Variants in SORCS3 observed in about 807,000 individuals in gnomAD.
SORCS3 encodes the protein VPS10 domain-containing receptor SorCS3.
In SORCS3, 57 loss-of-function variants were observed where a neutral mutation model predicts 146.3. The observed-to-expected ratio is 0.39, with a 90% CI of 0.31 to 0.49. The LOEUF (loss-of-function observed/expected upper bound fraction) is 0.49. SORCS3 is among the 20% of genes least tolerant of loss of function. SORCS3 has a pLI of 0.92. For missense variants in SORCS3, 1,341 were observed against 1,575.5 expected (o/e 0.85, Z 2.52); for synonymous variants, 653 against 618.5 (o/e 1.06, Z -0.83).
chr10:105,083,936 A>G (rs1454248534), intron 5 of SORCS3, among the ~76,000 whole-genome samples: 1 of 152,230 alleles, frequency 6.6e-6, no homozygotes, highest in East Asian at 1.9e-4. Context: ...TCTTTTCGCC[A>G]GCTAGGAGAG....
At chr10:104,715,806 A>G (rs149323341) in intron 1 of SORCS3, among the ~76,000 whole-genome samples, 185 of 152,326 alleles carry the variant, frequency 1.2e-3, no homozygotes, top group African/African-American at 4.2e-3. Flanking sequence ...GGATTATTGC[A>G]GTAGCCTTAG....
intron 1 of SORCS3, among the ~76,000 whole-genome samples, chr10:104,767,374 C>T (rs1488892030): frequency 6.6e-6 from 1 of 152,166 alleles, no homozygotes; most frequent in Non-Finnish European, 1.5e-5. Flanking sequence ...CCCGAGGAGC[C>T]TTGGGACTGC....
At chr10:104,698,259 G>A (rs544192600) in intron 1 of SORCS3, among the ~76,000 whole-genome samples, 1 of 152,256 alleles carries the variant, frequency 6.6e-6, no homozygotes, top group South Asian at 2.1e-4. Context: ...GGCTTGTACA[G>A]AGTCACATGG....
intron 1 of SORCS3, among the ~76,000 whole-genome samples, chr10:104,819,467 A>G (rs1386331884): frequency 1.3e-5 from 2 of 152,056 alleles, no homozygotes; most frequent in Non-Finnish European, 2.9e-5. Flanking sequence ...AGCTCCTCAC[A>G]TCTCCTCCTC....
At chr10:105,224,593 G>T (rs548463064) in intron 20 of SORCS3, among the ~76,000 whole-genome samples, 4 of 152,224 alleles carry the variant, frequency 2.6e-5, no homozygotes, top group African/African-American at 9.6e-5. Context: ...GACTACTTTG[G>T]ATAAATACTA....
At position 105,137,596 on chromosome 10, in the gene SORCS3, G is replaced by A. The variant is rs540423319; in HGVS notation, c.1213-1801G>A. ...GTCAGGGCAGGTGAGGAGCACAGAG[G>A]TCTATGCAAATTGTTGTTAAAAGTC... On this transcript the variant is annotated intron_variant, in intron 7 of 26. Transcript: ENST00000369701. Among the ~76,000 whole-genome samples the A allele has an allele frequency of 1.6e-3, 247 of 152,240 alleles. 1 individual carries two copies. The highest frequency in any genetic ancestry group is 2.5e-3 in the Non-Finnish European group (168 of 68,004).
chr10:104,858,822 C>A (rs1026049557), intron 2 of SORCS3, among the ~76,000 whole-genome samples: 4 of 151,192 alleles, frequency 2.6e-5, no homozygotes, highest in African/African-American at 9.7e-5. Context: ...GGGGTTTTTC[C>A]ATGTTAGCCA....
intron 3 of SORCS3, among the ~76,000 whole-genome samples, chr10:104,938,220 T>C (rs548138128): frequency 6.6e-6 from 1 of 152,266 alleles, no homozygotes; most frequent in South Asian, 2.1e-4. Context: ...GGTAAATTTA[T>C]AACCTGGAAT....
At chr10:104,929,317 T>TC (rs1011525835) in intron 3 of SORCS3, among the ~76,000 whole-genome samples, 1 of 152,114 alleles carries the variant, frequency 6.6e-6, no homozygotes, top group African/African-American at 2.4e-5. Flanking sequence ...TCTTCGGCTT[T>TC]CCCCCCTGCT....
chr10:105,242,504 A>ATATACATTTATATATATTTATATACATT (rs1564793556), intron 20 of SORCS3, among the ~76,000 whole-genome samples: 6,859 of 84,662 alleles, frequency 0.081, 429 homozygotes, highest in Non-Finnish European at 0.085. Context: ...ATATATATTT[A>ATATACATTTATATATATTTATATACATT]TATATATTTA....
intron 3 of SORCS3, among the ~76,000 whole-genome samples, chr10:104,939,496 G>A (rs973455266): frequency 6.6e-6 from 1 of 151,064 alleles, no homozygotes; most frequent in African/African-American, 2.5e-5. Context: ...GTGAATTCCC[G>A]TGGCTCCTCT....
At chr10:105,067,023 G>A (rs894848515) in intron 5 of SORCS3, among the ~76,000 whole-genome samples, 14 of 151,984 alleles carry the variant, frequency 9.2e-5, no homozygotes, top group Non-Finnish European at 1.6e-4. Flanking sequence ...TTTTAATCTT[G>A]TCTCTTCCCA....
intron 5 of SORCS3, among the ~76,000 whole-genome samples, chr10:105,079,933 C>G (rs1157374559): frequency 1.3e-5 from 2 of 152,080 alleles, no homozygotes; most frequent in Non-Finnish European, 1.5e-5. Flanking sequence ...TGTATATGTA[C>G]CATATTTTCT....
At chr10:104,655,804 G>C (rs765835268) in intron 1 of SORCS3, among the ~76,000 whole-genome samples, 43 of 152,120 alleles carry the variant, frequency 2.8e-4, no homozygotes, top group Non-Finnish European at 1.5e-4. Flanking sequence ...TGCTTCTTCC[G>C]TGTAAGACAT....
At chr10:105,180,721 C>A (rs2056437863) in intron 14 of SORCS3, among the ~76,000 whole-genome samples, 1 of 152,118 alleles carries the variant, frequency 6.6e-6, no homozygotes, top group African/African-American at 2.4e-5. Context: ...CCTCCCTGAC[C>A]TGACCACCCT....
intron 13 of SORCS3, among the ~76,000 whole-genome samples, chr10:105,175,509 G>A (rs903044163): frequency 2.0e-5 from 3 of 152,170 alleles, no homozygotes; most frequent in South Asian, 2.1e-4. Context: ...CTTACCTTCC[G>A]GACTTATTGG....
chr10:104,826,255 A>G (rs888731364), intron 1 of SORCS3, among the ~76,000 whole-genome samples: 1 of 152,212 alleles, frequency 6.6e-6, no homozygotes, highest in Non-Finnish European at 1.5e-5. Context: ...AAATGTTAGC[A>G]TGCTCACCTT....
At chr10:104,823,230 G>T (rs2017895590) in intron 1 of SORCS3, among the ~76,000 whole-genome samples, 1 of 152,078 alleles carries the variant, frequency 6.6e-6, no homozygotes, top group Non-Finnish European at 1.5e-5. Context: ...CACAAGTTTG[G>T]GGAAATAAGT....
intron 14 of SORCS3, among the ~76,000 whole-genome samples, chr10:105,184,741 C>T (rs960979459): frequency 7.9e-5 from 12 of 152,160 alleles, no homozygotes; most frequent in African/African-American, 2.7e-4. Context: ...ATGACCATCA[C>T]CACAATTGCA....
Sources: gnomAD v4.1 joint callset for allele counts (sites outside exome capture counted in the v4.1 genomes callset) on GRCh38, gnomAD v4.1.1 for gene constraint, MANE v1.5 for transcripts, NCBI Gene and HGNC (gene_info 2026-07-23, HGNC 2026-07-21) for gene names.